Variants in FBXL17 observed in about 807,000 individuals in gnomAD.
The protein encoded by FBXL17 is F-box and leucine rich repeat protein 17, also known as F-box/LRR-repeat protein 17.
A neutral mutation model predicts 66.2 loss-of-function variants in FBXL17; 22 were observed. The observed-to-expected ratio is 0.33, with a 90% confidence interval of 0.24 to 0.47. The LOEUF (loss-of-function observed/expected upper bound fraction) is 0.47. FBXL17 is among the 20% of genes least tolerant of loss of function. The pLI, the probability that FBXL17 is intolerant of heterozygous loss-of-function variation, is 1.00. For synonymous variants in FBXL17, 474 were observed against 400.5 expected, an observed-to-expected ratio of 1.18 and a Z score of -2.19; for missense variants, 878 against 948.2, an observed-to-expected ratio of 0.93 and a Z score of 0.97.
At chr5:108,220,829 G>A (rs7721312) in intron 5 of FBXL17, among the ~76,000 whole-genome samples, 1,747 of 152,156 alleles carry the variant, frequency 0.011, 15 homozygotes, top group Non-Finnish European at 0.017. Flanking sequence ...GGGAGAGAGA[G>A]CAAGATATAC....
chr5:108,007,627 G>A (rs1026708452), intron 7 of FBXL17, among the ~76,000 whole-genome samples: 3 of 145,940 alleles, frequency 2.1e-5, no homozygotes, highest in Non-Finnish European at 4.4e-5. Context: ...AATTATAGTA[G>A]GTTTCTAAGT....
Position 108,381,295 on chromosome 5 carries a change from AGGCGGCAGCGGC to A in FBXL17, c.385_396del (p.Ala129_Ala132del). Reference sequence around the variant, plus strand: ...CAGCAGGAGGCGGGCGACGAAGCCGAGGCGGCAGCGGCGGCGGCGGCGGCGGCCGAGGATAGC... The same window carrying A: ...CAGCAGGAGGCGGGCGACGAAGCCGAGGCGGCGGCGGCGGCCGAGGATAGC... On this transcript the variant is annotated inframe_deletion, in exon 1 of 9. Coordinates refer to ENST00000542267, the MANE Select transcript of FBXL17 (RefSeq NM_001163315.3). The A allele has an allele frequency of 7.1e-7, 1 of 1,409,588 alleles. No homozygotes were observed. The highest frequency in any genetic ancestry group is 1.5e-5 in the South Asian group (1 of 67,646). The allele number at this position is 1,409,588 out of a possible 1,614,324, so 87.3% of individuals were successfully genotyped here.
At chr5:108,054,085 A>T (rs1459657987) in intron 6 of FBXL17, among the ~76,000 whole-genome samples, 1 of 152,074 alleles carries the variant, frequency 6.6e-6, no homozygotes, top group African/African-American at 2.4e-5. Context: ...CACACGGAGA[A>T]GAACAGCACA....
chr5:108,097,281 G>A (rs1749405571), intron 6 of FBXL17, among the ~76,000 whole-genome samples: 1 of 152,190 alleles, frequency 6.6e-6, no homozygotes, highest in Non-Finnish European at 1.5e-5. Context: ...GTGGAACTGT[G>A]AGTCAATTAA....
intron 5 of FBXL17, among the ~76,000 whole-genome samples, chr5:108,205,985 C>G (rs35903369): frequency 0.16 from 24,383 of 152,074 alleles, 2,100 homozygotes; most frequent in South Asian, 0.32. Context: ...TACTTAAGGT[C>G]TGCTGTCTCA....
At chr5:108,142,236 T>C (rs1456218648) in intron 6 of FBXL17, among the ~76,000 whole-genome samples, 2 of 152,228 alleles carry the variant, frequency 1.3e-5, no homozygotes, top group Non-Finnish European at 2.9e-5. Context: ...TCAGAAACTA[T>C]AAGAGGCTCC....
chr5:107,880,498 TCATGTG>T, intron 8 of FBXL17: 1 of 997,810 alleles, frequency 1.0e-6, no homozygotes, highest in Non-Finnish European at 1.2e-6. Flanking sequence ...CCACTTCTTA[TCATGTG>T]CTGGGAGTGG....
At chr5:108,160,548 A>T (rs148581510) in intron 6 of FBXL17, among the ~76,000 whole-genome samples, 1 of 152,306 alleles carries the variant, frequency 6.6e-6, no homozygotes, top group East Asian at 1.9e-4. Context: ...CAATAAGAAG[A>T]ATAGTTTTTC....
At chr5:108,363,488 A>G (rs553628472) in intron 3 of FBXL17, among the ~76,000 whole-genome samples, 63 of 152,128 alleles carry the variant, frequency 4.1e-4, no homozygotes, top group African/African-American at 1.5e-3. Context: ...CTCACGTGTA[A>G]CTAATTCATA....
At chr5:108,350,117 G>A (rs1034313512) in intron 3 of FBXL17, among the ~76,000 whole-genome samples, 1 of 152,174 alleles carries the variant, frequency 6.6e-6, no homozygotes, top group African/African-American at 2.4e-5. Context: ...AAAGCCAACA[G>A]TGGGAAAAGC....
intron 3 of FBXL17, among the ~76,000 whole-genome samples, chr5:108,356,903 G>A (rs545407779): frequency 1.1e-4 from 17 of 152,024 alleles, no homozygotes; most frequent in African/African-American, 3.6e-4. Flanking sequence ...ATAATGGGAG[G>A]GGCTATGCAT....
At chr5:107,931,266 T>A (rs1445996431) in intron 7 of FBXL17, among the ~76,000 whole-genome samples, 1 of 151,408 alleles carries the variant, frequency 6.6e-6, no homozygotes, top group Non-Finnish European at 1.5e-5. Flanking sequence ...AATTTTTTTT[T>A]TTTTTTTTTT....
At chr5:108,322,074 AG>A (rs1759645439) in intron 4 of FBXL17, among the ~76,000 whole-genome samples, 1 of 151,902 alleles carries the variant, frequency 6.6e-6, no homozygotes, top group Non-Finnish European at 1.5e-5. Flanking sequence ...GTGGGAAACA[AG>A]CACTCTCAAT....
chr5:107,860,017 A>G lies in FBXL17; in HGVS notation c.*1703T>C, dbSNP rs1181228245. The G allele has an allele frequency of 6.6e-6, 1 of 152,204 alleles. No homozygotes were observed. The highest frequency in any genetic ancestry group is 1.5e-5 in the Non-Finnish European group (1 of 68,024). The allele number at this position is 152,204 out of a possible 1,614,324, so 9.4% of individuals were successfully genotyped here. A position where few individuals can be genotyped will look rare whatever the true frequency, so the allele number is the denominator to read the frequency against. The stretch of plus-strand genomic sequence containing the variant: ...AATTAAATTAGAAACCCATTTAGTT[A>G]TGGGAAGAATACTCATGGCGCTTAC... On this transcript the variant is annotated 3_prime_UTR_variant, in exon 9 of 9. Coordinates refer to ENST00000542267, the MANE Select transcript of FBXL17 (RefSeq NM_001163315.3).
intron 6 of FBXL17, among the ~76,000 whole-genome samples, chr5:108,061,186 C>A (rs781306122): frequency 1.1e-4 from 16 of 151,912 alleles, no homozygotes; most frequent in Non-Finnish European, 2.4e-4. Flanking sequence ...ACTCGGGAGG[C>A]TAAGGCAGGA....
At position 107,866,226 on chromosome 5, in the gene FBXL17, C is replaced by T. The variant is rs148261926; in HGVS notation, c.1966-4366G>A. On this transcript the variant is annotated intron_variant, in intron 8 of 8. Coordinates refer to ENST00000542267, the MANE Select transcript of FBXL17 (RefSeq NM_001163315.3). ...AATGTATCTTCTTAAAGAAATATGC[C>T]GCACTGTCATTGGAAGAAATTACTG... is the stretch of plus-strand genomic sequence containing the variant. 1.1e-3 allele frequency among the ~76,000 whole-genome samples: 163 copies of T among 151,998 alleles called. 1 individual carries two copies. The highest frequency in any genetic ancestry group is 3.6e-3 in the African/African-American group (148 of 41,444).
chr5:108,224,285 T>C (rs1397157576), intron 4 of FBXL17, 57 bp from the exon 5 acceptor site: 12 of 996,118 alleles, frequency 1.2e-5, no homozygotes, highest in Non-Finnish European at 1.8e-5. Flanking sequence ...AACTCAAGGA[T>C]TTGGCTCCTG....
At chr5:108,132,733 A>C (rs934504849) in intron 6 of FBXL17, among the ~76,000 whole-genome samples, 3 of 152,188 alleles carry the variant, frequency 2.0e-5, no homozygotes, top group African/African-American at 7.2e-5. Flanking sequence ...ATTTTATTTA[A>C]CTATGTAATA....
chr5:107,966,601 C>T (rs1752150007), intron 7 of FBXL17, among the ~76,000 whole-genome samples: 1 of 152,134 alleles, frequency 6.6e-6, no homozygotes, highest in South Asian at 2.1e-4. Context: ...CTCTTTGGTA[C>T]TTTCAACCTG....
Sources: gnomAD v4.1 joint callset for allele counts (sites outside exome capture counted in the v4.1 genomes callset) on GRCh38, gnomAD v4.1.1 for gene constraint, MANE v1.5 for transcripts, NCBI Gene and HGNC (gene_info 2026-07-23, HGNC 2026-07-21) for gene names.